The following CDH4 variants were observed in gnomAD, a reference collection of about 807,000 sequenced individuals.
The protein encoded by CDH4 is cadherin-4.
In CDH4, 33 loss-of-function variants were observed where a neutral mutation model predicts 86.0. That is an observed-to-expected ratio of 0.38 (90% CI 0.29 to 0.51). The LOEUF (loss-of-function observed/expected upper bound fraction) is 0.51, where lower values mean the gene tolerates loss of function less well. Ranked by LOEUF, CDH4 falls within the 20% of genes least tolerant of loss-of-function variation. The pLI is 0.86. For missense variants in CDH4, 1,114 were observed against 1,307.4 expected, an observed-to-expected ratio of 0.85 and a Z score of 2.28; for synonymous variants, 555 against 549.4, an observed-to-expected ratio of 1.01 and a Z score of -0.14.
chr20:61,284,272 C>A (rs897031657), intron 2 of CDH4, among the ~76,000 whole-genome samples: 2 of 152,058 alleles, frequency 1.3e-5, no homozygotes, highest in Admixed American at 1.3e-4. Context: ...TGAGATTGCA[C>A]CACTGCACTC....
intron 5 of CDH4, among the ~76,000 whole-genome samples, 192 bp from the exon 6 acceptor site, chr20:61,852,562 C>T (rs1478835927): frequency 6.6e-6 from 1 of 152,160 alleles, no homozygotes; most frequent in Non-Finnish European, 1.5e-5. Flanking sequence ...TCTGCACTCT[C>T]CTGACCCCCG....
At chr20:61,876,574 C>T (rs1984034971) in intron 7 of CDH4, among the ~76,000 whole-genome samples, 1 of 152,146 alleles carries the variant, frequency 6.6e-6, no homozygotes, top group African/African-American at 2.4e-5. Context: ...GAACACATCT[C>T]TTCTTACATC....
chr20:61,350,774 G>C (rs1319889520), intron 2 of CDH4, among the ~76,000 whole-genome samples: 1 of 152,214 alleles, frequency 6.6e-6, no homozygotes, highest in African/African-American at 2.4e-5. Context: ...TGTTGTGAGC[G>C]GAAAATTGCC....
intron 2 of CDH4, among the ~76,000 whole-genome samples, chr20:61,723,139 C>T (rs2088061496): frequency 6.6e-6 from 1 of 152,176 alleles, no homozygotes; most frequent in Non-Finnish European, 1.5e-5. Context: ...TCCCCGACTC[C>T]CAGAGGATCA....
At chr20:61,761,535 G>C (rs747215359) in intron 3 of CDH4, among the ~76,000 whole-genome samples, 1 of 152,098 alleles carries the variant, frequency 6.6e-6, no homozygotes, top group Admixed American at 6.5e-5. Context: ...ACATTAGAAC[G>C]TTCAGCAAAA....
intron 2 of CDH4, chr20:61,600,078 G>T: frequency 1.8e-6 from 1 of 560,106 alleles, no homozygotes; most frequent in Non-Finnish European, 2.3e-6. Context: ...ACTCTCCGGG[G>T]ATGGTTTTCA....
chr20:61,836,390 C>T (rs1981882061), intron 4 of CDH4, among the ~76,000 whole-genome samples: 1 of 152,212 alleles, frequency 6.6e-6, no homozygotes, highest in Non-Finnish European at 1.5e-5. Context: ...TCTGTGAGAA[C>T]ATATTCATGC....
intron 2 of CDH4, among the ~76,000 whole-genome samples, chr20:61,725,229 C>T (rs1393166266): frequency 6.6e-6 from 1 of 152,232 alleles, no homozygotes; most frequent in Non-Finnish European, 1.5e-5. Flanking sequence ...GCTTCAGGGA[C>T]ATCTGTGGCA....
chr20:61,925,139 G>C lies in CDH4; in HGVS notation c.1771+663G>C, dbSNP rs192581452. Among the ~76,000 whole-genome samples the C allele has an allele frequency of 2.5e-3, 377 of 152,316 alleles. 3 individuals carry two copies. Among genetic ancestry groups the C allele is most frequent in the African/African-American group, 8.0e-3 (331 of 41,578 alleles). On this transcript the variant is annotated intron_variant, in intron 11 of 15. Transcript: ENST00000614565. ...GCAGACGACCTCAGGAGCCTGGACGGGAGGGCGAGGATGGGCTGGGCAGAG... is the reference window on the plus strand; with the variant it reads ...GCAGACGACCTCAGGAGCCTGGACGCGAGGGCGAGGATGGGCTGGGCAGAG...
At chr20:61,523,497 G>A (rs2085888513) in intron 2 of CDH4, among the ~76,000 whole-genome samples, 1 of 152,224 alleles carries the variant, frequency 6.6e-6, no homozygotes, top group Middle Eastern at 3.2e-3. Context: ...AACCTTCCAT[G>A]GAGGCCTCTT....
At chr20:61,598,430 C>T (rs2086572996) in intron 2 of CDH4, among the ~76,000 whole-genome samples, 1 of 151,804 alleles carries the variant, frequency 6.6e-6, no homozygotes, top group Admixed American at 6.6e-5. Flanking sequence ...AGAGCATGCT[C>T]CTCCCTCCTT....
At chr20:61,576,246 C>T (rs1375228374) in intron 2 of CDH4, among the ~76,000 whole-genome samples, 2 of 152,148 alleles carry the variant, frequency 1.3e-5, no homozygotes, top group African/African-American at 2.4e-5. Context: ...AAGACAGCGA[C>T]GTGTCAGATT....
At chr20:61,839,455 TTG>T (rs1568843027) in intron 4 of CDH4, among the ~76,000 whole-genome samples, 2 of 151,852 alleles carry the variant, frequency 1.3e-5, no homozygotes, top group South Asian at 2.1e-4. Flanking sequence ...TGAGTATGTG[TTG>T]TGTGTGCACT....
At position 61,810,508 on chromosome 20, in the gene CDH4, G is replaced by C. The variant is rs80267211; in HGVS notation, c.577-34160G>C. ...CCGCAGTGGGAAGGAGCAAGGGAGC[G>C]TGTACGGGAACCAGAATCAGGGAGC... On this transcript the variant is annotated intron_variant, in intron 4 of 15. Transcript: ENST00000614565. This position sits in a 1 kb window ranked among gnomAD's most constrained non-coding sequence, Gnocchi z 4.3. Among the ~76,000 whole-genome samples the C allele has an allele frequency of 3.9e-5, 6 of 152,232 alleles. No individual in the cohort carries two copies. The highest frequency in any genetic ancestry group is 1.4e-4 in the African/African-American group (6 of 41,522).
Position 61,544,260 on chromosome 20 carries a change from C to T in CDH4, c.170-199303C>T, listed in dbSNP as rs542350497. Among the ~76,000 whole-genome samples, 13 of 152,124 alleles carry T rather than the reference C, an allele frequency of 8.5e-5. No individual in the cohort carries two copies. Among genetic ancestry groups the T allele is most frequent in the East Asian group, 5.8e-4 (3 of 5,134 alleles). On this transcript the variant is annotated intron_variant, in intron 2 of 15. Transcript: ENST00000614565. This position sits in a 1 kb window ranked among gnomAD's most constrained non-coding sequence, Gnocchi z 6.5. ...AGTTGTGTATGTATATGGCGGGGTACGGCTGACATCGAGCGGGTGGAGGCT... is the reference window on the plus strand; with the variant it reads ...AGTTGTGTATGTATATGGCGGGGTATGGCTGACATCGAGCGGGTGGAGGCT...
intron 2 of CDH4, among the ~76,000 whole-genome samples, chr20:61,317,128 C>T (rs1254486575): frequency 1.3e-5 from 2 of 151,972 alleles, no homozygotes; most frequent in East Asian, 1.9e-4. Context: ...CCTGTGATCC[C>T]GGCACTTTGG....
intron 2 of CDH4, among the ~76,000 whole-genome samples, chr20:61,278,913 G>A (rs1248075580): frequency 1.3e-5 from 2 of 152,232 alleles, no homozygotes; most frequent in East Asian, 3.9e-4. Context: ...TCTTACTGGG[G>A]AGATTCATGA....
At chr20:61,635,890 C>T (rs1189621768) in intron 2 of CDH4, among the ~76,000 whole-genome samples, 2 of 152,114 alleles carry the variant, frequency 1.3e-5, no homozygotes, top group Admixed American at 6.5e-5. Context: ...ACACAGGCCT[C>T]GAAGCTTTGG....
intron 2 of CDH4, among the ~76,000 whole-genome samples, chr20:61,565,840 C>A (rs1175294527): frequency 6.6e-6 from 1 of 152,220 alleles, no homozygotes; most frequent in Admixed American, 6.5e-5. Context: ...ACATGCCTGC[C>A]TGGACGCTGT....
Sources: allele counts gnomAD v4.1 joint callset (sites outside exome capture counted in the v4.1 genomes callset), GRCh38; gene constraint gnomAD v4.1.1; non-coding constraint Gnocchi (gnomAD v3.1); transcripts MANE v1.5; gene names NCBI Gene and HGNC (gene_info 2026-07-23, HGNC 2026-07-21).